MAPK10: variants seen among roughly 807,000 people sequenced by gnomAD.
MAPK10 encodes JNK3 alpha protein kinase.
MAPK10 carries 25 observed loss-of-function variants against 59.3 expected under a neutral mutation model. The ratio of observed to expected loss-of-function variants is 0.42; its 90% CI spans 0.31 to 0.59. The LOEUF (loss-of-function observed/expected upper bound fraction) is 0.59. Among genes scored for constraint, MAPK10 ranks in the 20% least tolerant of loss-of-function variants. The pLI, the probability that MAPK10 is intolerant of heterozygous loss-of-function variation, is 0.15. For missense variants in MAPK10, 351 were observed against 568.9 expected, an observed-to-expected ratio of 0.62 and a Z score of 3.90; for synonymous variants, 190 against 200.5, an observed-to-expected ratio of 0.95 and a Z score of 0.44.
At chr4:86,439,904 G>T (rs1370015695) in intron 1 of MAPK10, among the ~76,000 whole-genome samples, 2 of 151,960 alleles carry the variant, frequency 1.3e-5, no homozygotes, top group African/African-American at 4.8e-5. Flanking sequence ...CAGCCTTCTA[G>T]CCCCAAAATT....
intron 1 of MAPK10, among the ~76,000 whole-genome samples, chr4:86,543,053 A>G (rs1357933749): frequency 6.6e-6 from 1 of 152,196 alleles, no homozygotes; most frequent in Non-Finnish European, 1.5e-5. Context: ...AGAGGGAACC[A>G]GTGAAAGGCA....
Position 86,157,705 on chromosome 4 carries a change from T to G in MAPK10, c.236+1593A>C, listed in dbSNP as rs1248044132. Among the ~76,000 whole-genome samples, 3 of 152,010 alleles carry G rather than the reference T, an allele frequency of 2.0e-5. No homozygotes were observed. In the East Asian group the frequency reaches 5.8e-4, roughly 29 times the overall value. On this transcript the variant is annotated intron_variant, in intron 4 of 13. Transcript: ENST00000641462. Reference sequence around the variant, plus strand: ...TAAGCCAAAGATAACTTCCACCCTATAGAAAGGAGAAATAGAGGCCCAAAA... The same window carrying G: ...TAAGCCAAAGATAACTTCCACCCTAGAGAAAGGAGAAATAGAGGCCCAAAA...
intron 2 of MAPK10, among the ~76,000 whole-genome samples, chr4:86,249,801 C>T (rs2093323263): frequency 6.6e-6 from 1 of 152,076 alleles, no homozygotes; most frequent in African/African-American, 2.4e-5. Flanking sequence ...CAGGTGGGCC[C>T]CCTAATGACA....
At chr4:86,548,655 C>T (rs747516238) in intron 1 of MAPK10, among the ~76,000 whole-genome samples, 35 of 152,100 alleles carry the variant, frequency 2.3e-4, no homozygotes, top group Non-Finnish European at 3.4e-4. Flanking sequence ...CCTGTATAGC[C>T]CATGGAACCA....
At chr4:86,238,348 T>C (rs748587596) in intron 2 of MAPK10, among the ~76,000 whole-genome samples, 12 of 152,232 alleles carry the variant, frequency 7.9e-5, no homozygotes, top group Non-Finnish European at 1.2e-4. Flanking sequence ...TGATTCCATA[T>C]GAAATTTAAA....
At chr4:86,122,745 T>A (rs1393737524) in intron 4 of MAPK10, among the ~76,000 whole-genome samples, 1 of 152,108 alleles carries the variant, frequency 6.6e-6, no homozygotes, top group African/African-American at 2.4e-5. Flanking sequence ...ATAAGATAAA[T>A]TTTTTTCCTT....
intron 1 of MAPK10, among the ~76,000 whole-genome samples, chr4:86,423,770 C>CATATATATATATATATATATAT (rs539111577): frequency 1.3e-4 from 12 of 91,594 alleles, no homozygotes; most frequent in African/African-American, 4.2e-4. Flanking sequence ...GATATATATA[C>CATATATATATATATATATATAT]ATATATATAT....
rs79126215 is a variant in MAPK10 at position 86,308,207 on chromosome 4, T to C, written c.-7+46323A>G. On this transcript the variant is annotated intron_variant, in intron 2 of 13. Transcript: ENST00000641462. Reference sequence around the variant, plus strand: ...TAGAGGTTAAGTGAGCATTTGAAAATAGAGAGTAGGTGCTGAGACTCCTCT... The same window carrying C: ...TAGAGGTTAAGTGAGCATTTGAAAACAGAGAGTAGGTGCTGAGACTCCTCT... Among the ~76,000 whole-genome samples, 25 of 152,208 alleles carry C rather than the reference T, an allele frequency of 1.6e-4. 1 individual carries two copies. The East Asian group carries it at 4.1e-3, about 25-fold the overall frequency.
In MAPK10 at chr4:86,475,824, A is replaced by G. The variant is rs998845448; in HGVS notation, c.-263+118086T>C. Among the ~76,000 whole-genome samples, 5 of 151,300 alleles carry G rather than the reference A, an allele frequency of 3.3e-5. No homozygotes were observed. In the East Asian group the frequency reaches 9.8e-4, roughly 30 times the overall value. The stretch of plus-strand genomic sequence containing the variant: ...TCTTTTCTCTGGGCTTGCCTCCTTC[A>G]CTATGGGCAGCCTTCACCCCTCCAT... On this transcript the variant is annotated intron_variant, in intron 1 of 4. Coordinates refer to the MAPK10 transcript ENST00000502302.
intron 2 of MAPK10, among the ~76,000 whole-genome samples, chr4:86,240,085 C>A (rs2092608879): frequency 6.6e-6 from 1 of 152,168 alleles, no homozygotes; most frequent in Admixed American, 6.5e-5. Flanking sequence ...TTCTTGATTT[C>A]TGCCTTAATT....
chr4:86,108,062 T>G (rs2056844885), intron 4 of MAPK10, among the ~76,000 whole-genome samples: 1 of 152,136 alleles, frequency 6.6e-6, no homozygotes, highest in Non-Finnish European at 1.5e-5. Flanking sequence ...ATGATCAAAG[T>G]GTACTCTCAT....
At chr4:86,182,997 A>G (rs933362717) in intron 3 of MAPK10, among the ~76,000 whole-genome samples, 1 of 152,134 alleles carries the variant, frequency 6.6e-6, no homozygotes, top group Admixed American at 6.6e-5. Context: ...ACTGAAAAAT[A>G]ACGACACCCT....
intron 2 of MAPK10, among the ~76,000 whole-genome samples, chr4:86,282,667 T>A (rs1230238465): frequency 6.6e-6 from 1 of 152,124 alleles, no homozygotes; most frequent in African/African-American, 2.4e-5. Flanking sequence ...ACACTTGAAG[T>A]TTTAAATGCT....
chr4:86,070,717 G>C (rs1302892021), intron 9 of MAPK10, among the ~76,000 whole-genome samples: 1 of 150,974 alleles, frequency 6.6e-6, no homozygotes, highest in Non-Finnish European at 1.5e-5. Flanking sequence ...CAAAGGACAT[G>C]AACTCATCAT....
chr4:86,501,942 C>T (rs1383006608), intron 1 of MAPK10, among the ~76,000 whole-genome samples: 3 of 152,044 alleles, frequency 2.0e-5, no homozygotes, highest in Non-Finnish European at 4.4e-5. Context: ...AGTTAACATT[C>T]TCCTGAGTTG....
chr4:86,491,378 C>A (rs1754442004), intron 1 of MAPK10, among the ~76,000 whole-genome samples: 1 of 152,162 alleles, frequency 6.6e-6, no homozygotes, highest in African/African-American at 2.4e-5. Flanking sequence ...CTGCCAGGAC[C>A]CTCAAGCCGC....
intron 4 of MAPK10, among the ~76,000 whole-genome samples, chr4:86,135,743 T>A (rs539891057): frequency 1.3e-5 from 2 of 151,970 alleles, no homozygotes; most frequent in Admixed American, 6.5e-5. Flanking sequence ...TACTGAGCTA[T>A]GGGAGGACAT....
At chr4:86,277,256 C>T (rs1368336752) in intron 2 of MAPK10, 1 of 151,908 alleles carries the variant, frequency 6.6e-6, no homozygotes, top group East Asian at 1.9e-4. Context: ...AAAGTGTCTA[C>T]AAAAGCATTT....
chr4:86,557,488 T>C (rs754939405), intron 1 of MAPK10, among the ~76,000 whole-genome samples: 5 of 152,124 alleles, frequency 3.3e-5, no homozygotes, highest in Admixed American at 2.0e-4. Context: ...TGTTAATTTA[T>C]GTCATCCAAG....
Sources: gnomAD v4.1 joint callset for allele counts (sites outside exome capture counted in the v4.1 genomes callset) on GRCh38, gnomAD v4.1.1 for gene constraint, MANE v1.5 for transcripts, NCBI Gene and HGNC (gene_info 2026-07-23, HGNC 2026-07-21) for gene names.